Variants in SLC4A5 observed in about 807,000 individuals in gnomAD.
SLC4A5 encodes the protein electrogenic sodium bicarbonate cotransporter 4.
SLC4A5 carries 96 observed loss-of-function variants against 120.4 expected under a neutral mutation model. That is an observed-to-expected ratio of 0.80 (90% CI 0.68 to 0.94). The LOEUF (loss-of-function observed/expected upper bound fraction) is 0.94, where lower values mean the gene tolerates loss of function less well. Among genes scored for constraint, SLC4A5 ranks in the 40% least tolerant of loss-of-function variants. SLC4A5 has a pLI of 0.00. For synonymous variants in SLC4A5, 550 were observed against 571.1 expected, an observed-to-expected ratio of 0.96 and a Z score of 0.53; for missense variants, 1,259 against 1,459.5, an observed-to-expected ratio of 0.86 and a Z score of 2.24.
At chr2:74,299,295 G>A (rs1035591366) in intron 7 of SLC4A5, among the ~76,000 whole-genome samples, 8 of 152,232 alleles carry the variant, frequency 5.3e-5, no homozygotes, top group Admixed American at 1.3e-4. Flanking sequence ...AGGTTGCGGT[G>A]AGCTGAGATT....
chr2:74,260,797 C>T (rs1558883298), intron 11 of SLC4A5, among the ~76,000 whole-genome samples: 1 of 152,204 alleles, frequency 6.6e-6, no homozygotes, highest in Non-Finnish European at 1.5e-5. Context: ...ACAGCATGCT[C>T]CTGCTTCAAG....
At chr2:74,316,934 C>T (rs1573097941) in intron 5 of SLC4A5, among the ~76,000 whole-genome samples, 1 of 152,216 alleles carries the variant, frequency 6.6e-6, no homozygotes, top group African/African-American at 2.4e-5. Flanking sequence ...GACCTTCTAA[C>T]GTATAATGCC....
intron 6 of SLC4A5, among the ~76,000 whole-genome samples, chr2:74,314,272 G>A (rs1672896459): frequency 6.6e-6 from 1 of 152,108 alleles, no homozygotes; most frequent in Non-Finnish European, 1.5e-5. Flanking sequence ...GGCTCTACAA[G>A]ACCTCTCCTC....
intron 5 of SLC4A5, among the ~76,000 whole-genome samples, chr2:74,316,385 A>G (rs1488472121): frequency 1.4e-5 from 2 of 147,278 alleles, no homozygotes; most frequent in African/African-American, 5.0e-5. Flanking sequence ...AAGCCTCCCC[A>G]CCAACTGAAC....
Position 74,239,678 on chromosome 2 carries a change from C to A in SLC4A5, c.2119-143G>T. On this transcript the variant is annotated intron_variant, in intron 20 of 30. Coordinates refer to ENST00000394019, the Ensembl canonical transcript of SLC4A5. The stretch of plus-strand genomic sequence containing the variant: ...CCCCCCAGAGTGATGTTCCTGGGGA[C>A]GGGCTGGTTCAAGGAATGACAAGCT... 5.4e-6 allele frequency: 4 copies of A among 736,220 alleles called. No homozygotes were observed. The South Asian group carries it at 7.1e-5, about 13-fold the overall frequency. The allele number at this position is 736,220 out of a possible 1,614,324, so 45.6% of individuals were successfully genotyped here.
intron 5 of SLC4A5, among the ~76,000 whole-genome samples, chr2:74,323,652 A>G (rs991561656): frequency 6.6e-6 from 1 of 152,236 alleles, no homozygotes; most frequent in African/African-American, 2.4e-5. Context: ...GTGACAGAAA[A>G]TGCAAAGAAA....
At position 74,252,076 on chromosome 2, in the gene SLC4A5, G is replaced by A. The variant is rs114980525; in HGVS notation, c.1478+103C>T. ...AGGGAAAGAAGGCAGGGGTGACCTC[G>A]AGTGGGCACTACAGACCATGGTTGG... On this transcript the variant is annotated intron_variant, in intron 16 of 30. Transcript: ENST00000394019. 1,602 of 1,243,704 alleles carry A rather than the reference G, an allele frequency of 1.3e-3. 18 individuals carry two copies. In the African/African-American group the frequency reaches 0.021, roughly 16 times the overall value. The allele number at this position is 1,243,704 out of a possible 1,614,324, so 77.0% of individuals were successfully genotyped here. A position where few individuals can be genotyped will look rare whatever the true frequency, so the allele number is the denominator to read the frequency against.
intron 15 of SLC4A5, 104 bp downstream of exon 15, chr2:74,252,870 G>A: frequency 7.3e-7 from 1 of 1,371,710 alleles, no homozygotes; most frequent in Non-Finnish European, 1.0e-6. Flanking sequence ...TTACAGGCAT[G>A]AGCCACTATG....
intron 6 of SLC4A5, 60 bp from the exon 7 acceptor site, chr2:74,304,740 T>C (rs1672588488): frequency 2.6e-6 from 4 of 1,517,118 alleles, no homozygotes; most frequent in Non-Finnish European, 3.6e-6. Flanking sequence ...CATTTTTTCA[T>C]AATATTCATC....
At chr2:74,336,051 A>C (rs543956851) in intron 3 of SLC4A5, among the ~76,000 whole-genome samples, 28 of 152,202 alleles carry the variant, frequency 1.8e-4, no homozygotes, top group Admixed American at 1.2e-3. Flanking sequence ...AGCAACCTCA[A>C]GAGGTCATTT....
chr2:74,231,495 A>C (rs772266094), intron 24 of SLC4A5, among the ~76,000 whole-genome samples, 187 bp from the exon 25 acceptor site: 1 of 152,120 alleles, frequency 6.6e-6, no homozygotes, highest in Non-Finnish European at 1.5e-5. Context: ...GCGGCCCCTG[A>C]CTGGGGCAAG....
At chr2:74,269,727 G>A (rs75175099) in intron 8 of SLC4A5, among the ~76,000 whole-genome samples, 9,561 of 152,106 alleles carry the variant, frequency 0.063, 615 homozygotes, top group African/African-American at 0.16. Context: ...GTGGCCCAGT[G>A]CATGGGGCCA....
At chr2:74,318,631 C>T (rs1258381224) in intron 5 of SLC4A5, among the ~76,000 whole-genome samples, 2 of 151,064 alleles carry the variant, frequency 1.3e-5, no homozygotes, top group African/African-American at 2.4e-5. Context: ...GGTTGCAGAC[C>T]GAGATTGTGC....
intron 28 of SLC4A5, among the ~76,000 whole-genome samples, chr2:74,223,337 G>A (rs1369696606): frequency 6.6e-6 from 1 of 152,164 alleles, no homozygotes; most frequent in Non-Finnish European, 1.5e-5. Flanking sequence ...GATGGAAAAT[G>A]CATGCATGAA....
chr2:74,277,535 C>A (rs994577146), intron 8 of SLC4A5, among the ~76,000 whole-genome samples: 2 of 151,800 alleles, frequency 1.3e-5, no homozygotes, highest in African/African-American at 4.8e-5. Flanking sequence ...GGTGACAGGG[C>A]GAGACTCCGT....
intron 5 of SLC4A5, among the ~76,000 whole-genome samples, chr2:74,321,675 T>C (rs900558709): frequency 6.6e-6 from 1 of 151,672 alleles, no homozygotes; most frequent in Non-Finnish European, 1.5e-5. Context: ...GAATGCGCAT[T>C]GGGTAGTCAT....
intron 19 of SLC4A5, among the ~76,000 whole-genome samples, chr2:74,245,427 A>G (rs976481260): frequency 2.0e-5 from 3 of 152,224 alleles, no homozygotes; most frequent in African/African-American, 7.2e-5. Flanking sequence ...TCAATGCAAC[A>G]CTGAATCTAC....
In SLC4A5 at chr2:74,254,626, A is replaced by G. The variant is rs137867165; in HGVS notation, c.1106T>C (p.Val369Ala). Residue 369 changes from valine to alanine, a missense_variant, in exon 14 of 31, where the codon GTA becomes GCA. By Grantham distance (64) the Val-to-Ala change is moderately conservative. Transcript: ENST00000394019. Reference sequence around the variant, plus strand: ...CTTCTGGTTACCACTTACATCATCTACCATGAGGGTTGCAATGGCACGGCC... The same window carrying G: ...CTTCTGGTTACCACTTACATCATCTGCCATGAGGGTTGCAATGGCACGGCC... The G allele has an allele frequency of 9.3e-6, 15 of 1,613,902 alleles. No individual in the cohort carries two copies. The highest frequency in any genetic ancestry group is 9.3e-6 in the Non-Finnish European group (11 of 1,179,848).
chr2:74,258,718 G>A (rs991938931), intron 12 of SLC4A5, among the ~76,000 whole-genome samples: 8 of 152,218 alleles, frequency 5.3e-5, no homozygotes, highest in African/African-American at 1.9e-4. Context: ...GTGATTCACA[G>A]AAAATGCCTG....
Sources: allele counts gnomAD v4.1 joint callset (sites outside exome capture counted in the v4.1 genomes callset), GRCh38; gene constraint gnomAD v4.1.1; transcripts MANE v1.5; gene names NCBI Gene and HGNC (gene_info 2026-07-23, HGNC 2026-07-21).